FRAS1: variants seen among roughly 807,000 people sequenced by gnomAD.
The protein encoded by FRAS1 is Fraser extracellular matrix complex subunit 1, also known as extracellular matrix organizing protein FRAS1.
In FRAS1, 290 loss-of-function variants were observed where a neutral mutation model predicts 435.2. The observed-to-expected ratio is 0.67, with a 90% CI of 0.61 to 0.73. The LOEUF (loss-of-function observed/expected upper bound fraction) is 0.73, where lower values mean the gene tolerates loss of function less well. Ranked by LOEUF, FRAS1 falls within the 30% of genes least tolerant of loss-of-function variation. The pLI, the probability that FRAS1 is intolerant of heterozygous loss-of-function variation, is 0.00. For missense variants in FRAS1, 4,860 were observed against 5,001.5 expected (o/e 0.97, Z 0.85); for synonymous variants, 1,800 against 1,851.0 (o/e 0.97, Z 0.71).
chr4:78,070,892 T>C lies in FRAS1; in HGVS notation c.108+4876T>C, dbSNP rs1740317433. 2 of 152,202 alleles carry C rather than the reference T, an allele frequency of 1.3e-5. 1 individual carries two copies. The highest frequency in any genetic ancestry group is 4.8e-5 in the African/African-American group (2 of 41,448). 9.4% of individuals were successfully genotyped at this position (152,202 alleles called of 1,614,324 possible). A position where few individuals can be genotyped will look rare whatever the true frequency, so the allele number is the denominator to read the frequency against. ...TTACTTCTCAGGACTGTTGTGAAGC[T>C]TAAAGGAGATGAACATGAAGCAACT... is the stretch of plus-strand genomic sequence containing the variant. On this transcript the variant is annotated intron_variant, in intron 2 of 73. Coordinates refer to ENST00000512123, the MANE Select transcript of FRAS1 (RefSeq NM_025074.7).
In FRAS1 at chr4:78,307,429, A is replaced by C. The variant is rs187053739; in HGVS notation, c.1535-637A>C. Among the ~76,000 whole-genome samples the C allele has an allele frequency of 4.1e-3, 621 of 152,332 alleles. 3 individuals carry two copies. Among genetic ancestry groups the C allele is most frequent in the African/African-American group, 0.014 (601 of 41,570 alleles). ...TCCTGGCTGCTTTGTTTACCTAAGC[A>C]AGCCTGGGCAATGGCGGGCGCCCCT... On this transcript the variant is annotated intron_variant, in intron 14 of 73. Coordinates refer to ENST00000512123, the MANE Select transcript of FRAS1 (RefSeq NM_025074.7).
At chr4:78,502,644 A>G (rs1262450650) in intron 61 of FRAS1, among the ~76,000 whole-genome samples, 1 of 152,146 alleles carries the variant, frequency 6.6e-6, no homozygotes, top group Non-Finnish European at 1.5e-5. Flanking sequence ...TAAATATACA[A>G]TCATGTCATC....
At chr4:78,381,869 AAAAG>A (rs1233314978) in intron 27 of FRAS1, among the ~76,000 whole-genome samples, 10 of 134,446 alleles carry the variant, frequency 7.4e-5, no homozygotes, top group African/African-American at 2.8e-4. Context: ...TTTATCCAAC[AAAAG>A]AAAGAATGAG....
In FRAS1 at chr4:78,543,667, A is replaced by G. The variant is rs1284926609; in HGVS notation, c.*2543A>G. On this transcript the variant is annotated 3_prime_UTR_variant, in exon 74 of 74. Coordinates refer to ENST00000512123, the MANE Select transcript of FRAS1 (RefSeq NM_025074.7). ...GATGCACACTTGTTAAATAGTGTTAAGAGATGTGGAGATGAGATATACCCC... is the reference window on the plus strand; with the variant it reads ...GATGCACACTTGTTAAATAGTGTTAGGAGATGTGGAGATGAGATATACCCC... 3 of 152,232 alleles carry G rather than the reference A, an allele frequency of 2.0e-5. No individual in the cohort carries two copies. The East Asian group carries it at 5.8e-4, about 29-fold the overall frequency. 9.4% of individuals were successfully genotyped at this position (152,232 alleles called of 1,614,324 possible).
intron 1 of FRAS1, among the ~76,000 whole-genome samples, chr4:78,065,083 T>TATATATATATATATACACACAC: frequency 7.1e-6 from 1 of 140,598 alleles, no homozygotes; most frequent in Non-Finnish European, 1.5e-5. Flanking sequence ...TATATATATA[T>TATATATATATATATACACACAC]ACATACACAC....
At chr4:78,232,511 TCCTGAC>T (rs1724559541) in intron 2 of FRAS1, among the ~76,000 whole-genome samples, 3 of 152,046 alleles carry the variant, frequency 2.0e-5, no homozygotes, top group Admixed American at 2.0e-4. Context: ...GGTTTCAATC[TCCTGAC>T]CTCGTGATCT....
chr4:78,194,858 C>A (rs192594007), intron 2 of FRAS1, among the ~76,000 whole-genome samples: 3 of 152,094 alleles, frequency 2.0e-5, no homozygotes, highest in African/African-American at 7.2e-5. Context: ...CTGATTTTTA[C>A]GGTTTTCTGT....
intron 15 of FRAS1, 26 bp downstream of exon 15, chr4:78,308,235 G>A (rs537040168): frequency 1.2e-4 from 185 of 1,604,250 alleles, no homozygotes; most frequent in Non-Finnish European, 1.5e-4. Context: ...CGATGCTGAC[G>A]TGTCCTTTCC....
At chr4:78,097,613 G>A (rs888828270) in intron 2 of FRAS1, among the ~76,000 whole-genome samples, 2 of 152,164 alleles carry the variant, frequency 1.3e-5, no homozygotes, top group African/African-American at 2.4e-5. Flanking sequence ...CTTGTGCAGG[G>A]AAACTTCCAT....
chr4:78,162,060 T>G (rs981472194), intron 2 of FRAS1, among the ~76,000 whole-genome samples: 4 of 152,160 alleles, frequency 2.6e-5, no homozygotes, highest in African/African-American at 9.7e-5. Flanking sequence ...TAAAAAAGCA[T>G]AAGTATAAAA....
intron 2 of FRAS1, chr4:78,181,270 C>T: frequency 6.2e-7 from 1 of 1,607,804 alleles, no homozygotes; most frequent in South Asian, 1.1e-5. Context: ...CAACATCATT[C>T]TCCTTATTTT....
chr4:78,156,853 A>T (rs1327740282), intron 2 of FRAS1, among the ~76,000 whole-genome samples: 1 of 151,954 alleles, frequency 6.6e-6, no homozygotes, highest in Non-Finnish European at 1.5e-5. Context: ...GAAGCGGGGG[A>T]TGGAAGACCC....
chr4:78,124,889 A>G (rs1272534079), intron 2 of FRAS1, among the ~76,000 whole-genome samples: 2 of 151,860 alleles, frequency 1.3e-5, no homozygotes, highest in Non-Finnish European at 2.9e-5. Flanking sequence ...TTTACTCTTT[A>G]TTAGTCTTGC....
In FRAS1 at chr4:78,372,854, C is replaced by T; in HGVS notation, c.3006C>T (p.Cys1002=). 1.2e-6 allele frequency: 2 copies of T among 1,612,332 alleles called. No homozygotes were observed. ...CATTTTACCAGGACTCGGGCCTCTG[C>T]AAGAGTAAGTGTGTAGAGGCCCTGC... ...LSSFYQDSGL[C]KNCDSYCLQC... The change falls in exon 24 of 74, where the codon TGC becomes TGT. Residue 1002 remains cysteine, a synonymous_variant. Coordinates refer to ENST00000512123, the MANE Select transcript of FRAS1 (RefSeq NM_025074.7).
intron 1 of FRAS1, among the ~76,000 whole-genome samples, chr4:78,065,619 A>C (rs752654605): frequency 3.9e-5 from 6 of 152,218 alleles, no homozygotes; most frequent in Non-Finnish European, 8.8e-5. Flanking sequence ...CTGGAGGCTT[A>C]GTGTAAGCAA....
intron 1 of FRAS1, among the ~76,000 whole-genome samples, chr4:78,061,997 C>T (rs988237886): frequency 1.3e-5 from 2 of 152,104 alleles, no homozygotes; most frequent in African/African-American, 2.4e-5. Context: ...TTGTTGTGGA[C>T]TCTTATTTTC....
At chr4:78,372,980 C>G (rs1347699278) in intron 24 of FRAS1, 122 bp downstream of exon 24, 1 of 1,112,294 alleles carries the variant, frequency 9.0e-7, no homozygotes, top group East Asian at 2.6e-5. Context: ...TTTCTGGTTT[C>G]TTTCCTAAGA....
At chr4:78,327,385 G>T (rs1025468123) in intron 18 of FRAS1, among the ~76,000 whole-genome samples, 2 of 152,100 alleles carry the variant, frequency 1.3e-5, no homozygotes, top group African/African-American at 4.8e-5. Context: ...GAAAAGCCAG[G>T]AAATTTTGTA....
At chr4:78,433,730 A>C (rs535822194) in intron 38 of FRAS1, among the ~76,000 whole-genome samples, 15 of 152,248 alleles carry the variant, frequency 9.9e-5, no homozygotes, top group African/African-American at 3.6e-4. Flanking sequence ...TGGTTTTTTG[A>C]ATCTTATGAA....
Sources: allele counts gnomAD v4.1 joint callset (sites outside exome capture counted in the v4.1 genomes callset), GRCh38; gene constraint gnomAD v4.1.1; transcripts MANE v1.5; gene names NCBI Gene and HGNC (gene_info 2026-07-23, HGNC 2026-07-21).